The following CLDN14 variants were observed in gnomAD, a reference collection of about 807,000 sequenced individuals.
CLDN14 encodes claudin 14, also known as claudin-14.
A neutral mutation model predicts 2.1 loss-of-function variants in CLDN14; 2 were observed. That is an observed-to-expected ratio of 0.96 (90% confidence interval 0.39 to 3.01). The LOEUF (loss-of-function observed/expected upper bound fraction) is 3.01. CLDN14 is among the 30% of genes most tolerant of loss of function. The probability of loss-of-function intolerance (pLI) is 0.09; values close to 1 mark genes in which losing one functional copy is unlikely to be tolerated. For synonymous variants in CLDN14, 136 were observed against 154.4 expected, an observed-to-expected ratio of 0.88 and a Z score of 0.88; for missense variants, 298 against 328.0, an observed-to-expected ratio of 0.91 and a Z score of 0.71.
intron 1 of CLDN14, among the ~76,000 whole-genome samples, chr21:36,548,535 G>A (rs2087540087): frequency 1.3e-5 from 2 of 152,234 alleles, no homozygotes; most frequent in African/African-American, 2.4e-5. Context: ...TCTCCAAGAT[G>A]TGGGGGAATG....
chr21:36,461,125 A>G lies in CLDN14; in HGVS notation c.571T>C (p.Tyr191His). The change falls in exon 2 of 2, where the codon TAC (tyrosine) becomes CAC (histidine). Residue 191 changes from tyrosine (Y) to histidine (H), a missense_variant. Transcript: ENST00000399135. Reference sequence around the variant, plus strand: ...CTGGGCGGGGCCTGGTAGGGCCTGTAGGGTGCCTCGTCCTGGCAGGACAGG... The same window carrying G: ...CTGGGCGGGGCCTGGTAGGGCCTGTGGGGTGCCTCGTCCTGGCAGGACAGG... Reference protein sequence around the residue: ...LCLSCQDEAPYRPYQAPPRAT... With the variant: ...LCLSCQDEAPHRPYQAPPRAT... The G allele has an allele frequency of 6.2e-7, 1 of 1,614,078 alleles. No homozygotes were observed. Among genetic ancestry groups the G allele is most frequent in the Non-Finnish European group, 8.5e-7 (1 of 1,179,956 alleles).
At chr21:36,527,150 C>T (rs919478187) in intron 1 of CLDN14, among the ~76,000 whole-genome samples, 2 of 152,312 alleles carry the variant, frequency 1.3e-5, no homozygotes, top group East Asian at 1.9e-4. Flanking sequence ...TTCCTCCTCT[C>T]GGACGTGATA....
At chr21:36,561,815 G>A (rs2087637348) in intron 1 of CLDN14, among the ~76,000 whole-genome samples, 1 of 152,096 alleles carries the variant, frequency 6.6e-6, no homozygotes, top group Admixed American at 6.6e-5. Context: ...GTCTTCTAGG[G>A]CTGGAAGGAG....
At chr21:36,463,432 C>T (rs765225896) in intron 1 of CLDN14, among the ~76,000 whole-genome samples, 8 of 152,224 alleles carry the variant, frequency 5.3e-5, no homozygotes, top group African/African-American at 9.6e-5. Context: ...AAATCCCCAT[C>T]GGGGCTCGGC....
intron 1 of CLDN14, among the ~76,000 whole-genome samples, chr21:36,470,990 C>CA (rs1332723342): frequency 6.6e-6 from 1 of 151,926 alleles, no homozygotes; most frequent in African/African-American, 2.4e-5. Flanking sequence ...AGCAAACAAA[C>CA]AAAAAAACCT....
At chr21:36,483,785 G>A (rs2086869680), upstream of CLDN14, among the ~76,000 whole-genome samples, 1 of 152,194 alleles carries the variant, frequency 6.6e-6, no homozygotes, top group Non-Finnish European at 1.5e-5. Context: ...TGTGGTTTGT[G>A]GGTTGAGACC....
intron 1 of CLDN14, among the ~76,000 whole-genome samples, chr21:36,568,397 G>A (rs551523175): frequency 1.3e-5 from 2 of 152,288 alleles, no homozygotes; most frequent in African/African-American, 4.8e-5. Context: ...AAGGAGGCAC[G>A]AAGTCCCAGC....
intron 1 of CLDN14, among the ~76,000 whole-genome samples, chr21:36,519,531 G>A (rs1346576643): frequency 2.6e-5 from 4 of 152,260 alleles, no homozygotes; most frequent in East Asian, 1.9e-4. Context: ...GCCAACAGAC[G>A]AAACCTCATC....
intron 2 of CLDN14, among the ~76,000 whole-genome samples, chr21:36,503,303 C>G (rs1313741816): frequency 2.0e-5 from 3 of 152,186 alleles, no homozygotes; most frequent in African/African-American, 7.2e-5. Context: ...ATCCACCTGC[C>G]TTGCCCTCCC....
At chr21:36,563,581 G>A (rs1403490699) in intron 1 of CLDN14, among the ~76,000 whole-genome samples, 1 of 152,172 alleles carries the variant, frequency 6.6e-6, no homozygotes, top group African/African-American at 2.4e-5. Flanking sequence ...ATAATTCTCT[G>A]TCAAAGAGAA....
chr21:36,474,810 C>T (rs1212758192), intron 1 of CLDN14, among the ~76,000 whole-genome samples: 1 of 152,114 alleles, frequency 6.6e-6, no homozygotes, highest in African/African-American at 2.4e-5. Context: ...ATCCTGTGTG[C>T]ACATGGAGAG....
rs747443576 is a variant in CLDN14, at chr21:36,461,071, G to C, written c.625C>G (p.Pro209Ala). ...TAGGCAGCTGGTGGCTGGTAGGCAGGTGCGGTGTTTGCAGTGGTCGTGGTG... is the reference window on the plus strand; with the variant it reads ...TAGGCAGCTGGTGGCTGGTAGGCAGCTGCGGTGTTTGCAGTGGTCGTGGTG... ...RATTTTANTA[P>A]AYQPPAAYKD... Residue 209 changes from proline (P) to alanine (A), a missense_variant, in exon 2 of 2, where the codon CCT (proline) becomes GCT (alanine). Physicochemically the swap from Pro to Ala is conservative, Grantham distance 27 (BLOSUM62 -1). Transcript: ENST00000399135. 1.2e-6 allele frequency: 2 copies of C among 1,614,138 alleles called. No individual in the cohort carries two copies. The highest frequency in any genetic ancestry group is 1.7e-6 in the Non-Finnish European group (2 of 1,180,008).
At chr21:36,562,590 T>C (rs983999897) in intron 1 of CLDN14, among the ~76,000 whole-genome samples, 8 of 152,266 alleles carry the variant, frequency 5.3e-5, no homozygotes, top group African/African-American at 1.9e-4. Flanking sequence ...CTTGTGTTTA[T>C]GATTTTCCCA....
chr21:36,517,770 T>C (rs1002496535), intron 1 of CLDN14, among the ~76,000 whole-genome samples: 4 of 152,296 alleles, frequency 2.6e-5, no homozygotes, highest in East Asian at 3.9e-4. Flanking sequence ...TGGTAAGCTG[T>C]TATTTTGGAT....
chr21:36,538,870 C>T (rs1327378967), intron 1 of CLDN14, among the ~76,000 whole-genome samples: 3 of 152,200 alleles, frequency 2.0e-5, no homozygotes, highest in South Asian at 4.1e-4. Context: ...GCAGACATAA[C>T]GGCATAGGGA....
intron 1 of CLDN14, among the ~76,000 whole-genome samples, chr21:36,559,902 G>A (rs1453992289): frequency 6.6e-6 from 1 of 152,060 alleles, no homozygotes; most frequent in Non-Finnish European, 1.5e-5. Context: ...CCTTAATGGT[G>A]ACTTTTTGAA....
intron 1 of CLDN14, among the ~76,000 whole-genome samples, chr21:36,564,082 C>T (rs143308960): frequency 3.3e-4 from 50 of 152,266 alleles, no homozygotes; most frequent in African/African-American, 1.1e-3. Flanking sequence ...TGAGAAATGC[C>T]GAAGATGAGG....
intron 2 of CLDN14, among the ~76,000 whole-genome samples, chr21:36,503,601 T>C (rs1054345792): frequency 6.6e-6 from 1 of 152,230 alleles, no homozygotes; most frequent in Non-Finnish European, 1.5e-5. Context: ...CCCAGCCACA[T>C]GGAACTATGA....
At chr21:36,483,142 C>T (rs1452974415), upstream of CLDN14, among the ~76,000 whole-genome samples, 1 of 152,186 alleles carries the variant, frequency 6.6e-6, no homozygotes, top group Non-Finnish European at 1.5e-5. Flanking sequence ...ATGTTACTAC[C>T]CTGTATCCAC....
Sources: allele counts gnomAD v4.1 joint callset (sites outside exome capture counted in the v4.1 genomes callset), GRCh38; gene constraint gnomAD v4.1.1; transcripts MANE v1.5; gene names NCBI Gene and HGNC (gene_info 2026-07-23, HGNC 2026-07-21).